CEP63: variants seen among roughly 807,000 people sequenced by gnomAD.
CEP63 encodes the protein centrosomal protein 63.
CEP63 carries 84 observed loss-of-function variants against 89.1 expected under a neutral mutation model. The ratio of observed to expected loss-of-function variants is 0.94; its 90% CI spans 0.79 to 1.13. The LOEUF (loss-of-function observed/expected upper bound fraction) is 1.13, where lower values mean the gene tolerates loss of function less well. CEP63 is among the 50% of genes most tolerant of loss of function. The pLI is 0.00. For synonymous variants in CEP63, 267 were observed against 272.5 expected, an observed-to-expected ratio of 0.98 and a Z score of 0.20; for missense variants, 838 against 813.3, an observed-to-expected ratio of 1.03 and a Z score of -0.37.
chr3:134,575,010 T>C (rs970518083), exon 12 of CEP63: 1 of 404,174 alleles, frequency 2.5e-6, no homozygotes, highest in Non-Finnish European at 4.4e-6. Flanking sequence ...GTAAAGAAAA[T>C]TAACACTATT....
At chr3:134,729,467 G>T in the CEP63 span, among the ~76,000 whole-genome samples, 1 of 152,134 alleles carries the variant, frequency 6.6e-6, no homozygotes, top group African/African-American at 2.4e-5. Context: ...CACTGCATGC[G>T]AGTGTTGTAA....
At chr3:134,720,883 G>A in the CEP63 span, among the ~76,000 whole-genome samples, 5,925 of 152,136 alleles carry the variant, frequency 0.039, 151 homozygotes, top group Middle Eastern at 0.065. Context: ...ACTGTACATC[G>A]TAGTAACTAC....
the CEP63 span, chr3:134,651,085 C>G: frequency 1.5e-5 from 23 of 1,530,042 alleles, no homozygotes; most frequent in Non-Finnish European, 1.8e-5. Context: ...GGCGCTCCCC[C>G]GCCGCTGGAG....
At chr3:134,770,673 G>A in the CEP63 span, among the ~76,000 whole-genome samples, 1 of 152,038 alleles carries the variant, frequency 6.6e-6, no homozygotes, top group Non-Finnish European at 1.5e-5. Context: ...CACAATCATC[G>A]CTTACCTGTG....
the CEP63 span, among the ~76,000 whole-genome samples, chr3:134,703,214 T>C: frequency 2.1e-5 from 3 of 144,104 alleles, no homozygotes; most frequent in South Asian, 6.4e-4. Context: ...GAGAATGGCA[T>C]GAACCTGGAA....
chr3:134,751,079 A>G, the CEP63 span, among the ~76,000 whole-genome samples: 1 of 152,244 alleles, frequency 6.6e-6, no homozygotes, highest in Non-Finnish European at 1.5e-5. Flanking sequence ...GAATCACACA[A>G]TATGTGACAT....
Position 134,537,239 on chromosome 3 carries a change from G to T in CEP63, c.526G>T (p.Ala176Ser). The change falls in exon 6 of 15, where the codon GCT (alanine) becomes TCT (serine). Residue 176 changes from alanine (A) to serine (S), a missense_variant. Transcript: ENST00000675561. ...QVSSLEAQRK[A>S]LAEQSEIIQA... ...ATCTTCACTGGAGGCACAAAGGAAG[G>T]CTCTGGCTGAACAATCAGAGATAAT... 1 of 1,612,530 alleles carries T rather than the reference G, an allele frequency of 6.2e-7. No individual in the cohort carries two copies. The highest frequency in any genetic ancestry group is 8.5e-7 in the Non-Finnish European group (1 of 1,178,562).
At chr3:134,622,919 T>G in the CEP63 span, among the ~76,000 whole-genome samples, 120 of 152,350 alleles carry the variant, frequency 7.9e-4, no homozygotes, top group African/African-American at 2.8e-3. Flanking sequence ...AGGACTCACC[T>G]GCTGACCACT....
chr3:134,532,074 A>G (rs1365663514), intron 4 of CEP63, 134 bp downstream of exon 4: 1 of 626,952 alleles, frequency 1.6e-6, no homozygotes, highest in African/African-American at 1.8e-5. Flanking sequence ...AGGAGTGGGA[A>G]TCCATTTCTC....
intron 2 of CEP63, among the ~76,000 whole-genome samples, chr3:134,503,100 C>CTTTTTTTTTTT (rs34673408): frequency 1.6e-3 from 146 of 92,004 alleles, no homozygotes; most frequent in African/African-American, 2.4e-3. Flanking sequence ...TGATTTCAAT[C>CTTTTTTTTTTT]TTTTTTTTTT....
the CEP63 span, among the ~76,000 whole-genome samples, chr3:134,665,605 C>T: frequency 6.6e-6 from 1 of 150,922 alleles, no homozygotes; most frequent in African/African-American, 2.4e-5. Context: ...AGCCCGGAGT[C>T]CTCCAGGAAG....
chr3:134,775,647 C>T, the CEP63 span, among the ~76,000 whole-genome samples: 1 of 152,122 alleles, frequency 6.6e-6, no homozygotes, highest in South Asian at 2.1e-4. Flanking sequence ...TAATCTCTGT[C>T]TCAGGGTCTG....
the CEP63 span, among the ~76,000 whole-genome samples, chr3:134,762,739 C>G: frequency 6.6e-6 from 1 of 152,212 alleles, no homozygotes; most frequent in Non-Finnish European, 1.5e-5. Context: ...GCCTCCAGAA[C>G]TGCCAGACAA....
the CEP63 span, among the ~76,000 whole-genome samples, chr3:134,718,837 C>T: frequency 6.6e-6 from 1 of 152,186 alleles, no homozygotes; most frequent in East Asian, 1.9e-4. Flanking sequence ...ACACTTTCCT[C>T]GCTGGGATGG....
chr3:134,623,033 G>A, the CEP63 span, among the ~76,000 whole-genome samples: 155 of 152,254 alleles, frequency 1.0e-3, 1 homozygote, highest in African/African-American at 3.4e-3. Context: ...CTCCAACACC[G>A]CAGACTTTGT....
the CEP63 span, among the ~76,000 whole-genome samples, chr3:134,748,375 A>T: frequency 6.6e-6 from 1 of 151,290 alleles, no homozygotes; most frequent in African/African-American, 2.4e-5. Flanking sequence ...TTCCTGGGAG[A>T]TTTTCTTAAG....
At chr3:134,695,801 C>T in the CEP63 span, among the ~76,000 whole-genome samples, 1 of 152,208 alleles carries the variant, frequency 6.6e-6, no homozygotes, top group East Asian at 1.9e-4. Context: ...CCTGGTCTGC[C>T]TGTGTGGCTT....
chr3:134,641,359 A>C, the CEP63 span: 4 of 152,194 alleles, frequency 2.6e-5, no homozygotes, highest in African/African-American at 9.7e-5. Flanking sequence ...GACCATCCTG[A>C]TTATCTGGCT....
At chr3:134,540,917 G>T (rs1321551552) in intron 6 of CEP63, among the ~76,000 whole-genome samples, 1 of 151,930 alleles carries the variant, frequency 6.6e-6, no homozygotes, top group Non-Finnish European at 1.5e-5. Context: ...GAGTAGCTGG[G>T]ATTACAGGTG....
Sources: allele counts gnomAD v4.1 joint callset (sites outside exome capture counted in the v4.1 genomes callset), GRCh38; gene constraint gnomAD v4.1.1; transcripts MANE v1.5; gene names NCBI Gene and HGNC (gene_info 2026-07-23, HGNC 2026-07-21).